EXOC4: variants seen among roughly 807,000 people sequenced by gnomAD.
The protein encoded by EXOC4 is exocyst complex component 4.
EXOC4 carries 71 observed loss-of-function variants against 107.2 expected under a neutral mutation model. The observed-to-expected ratio is 0.66, with a 90% confidence interval of 0.55 to 0.81. The LOEUF is 0.81. EXOC4 is among the 30% of genes least tolerant of loss of function. EXOC4 has a pLI of 0.00. For missense variants in EXOC4, 1,108 were observed against 1,189.6 expected, an observed-to-expected ratio of 0.93 and a Z score of 1.01; for synonymous variants, 456 against 441.2, an observed-to-expected ratio of 1.03 and a Z score of -0.42.
chr7:133,411,856 T>G (rs1797362387), intron 7 of EXOC4, among the ~76,000 whole-genome samples: 1 of 152,170 alleles, frequency 6.6e-6, no homozygotes, highest in African/African-American at 2.4e-5. Flanking sequence ...TGTCATAGTG[T>G]CAAGTGGAAC....
chr7:133,857,181 T>C lies in EXOC4; in HGVS notation c.1735-38418T>C, dbSNP rs368953722. ...ATATATATATATATATATATATATA[T>C]ATATATATATATATATATATTTTAC... On this transcript the variant is annotated intron_variant, in intron 11 of 17. Coordinates refer to ENST00000253861, the MANE Select transcript of EXOC4 (RefSeq NM_021807.4). Among the ~76,000 whole-genome samples the C allele has an allele frequency of 3.3e-3, 62 of 18,688 alleles. 1 individual carries two copies. The highest frequency in any genetic ancestry group is 0.013 in the South Asian group (6 of 446). The allele number at this position is 18,688 out of a possible 152,430, so 12.3% of individuals were successfully genotyped here. A position where few individuals can be genotyped will look rare whatever the true frequency, so the allele number is the denominator to read the frequency against.
chr7:133,401,365 A>G (rs1017927217), intron 7 of EXOC4, among the ~76,000 whole-genome samples: 1 of 151,830 alleles, frequency 6.6e-6, no homozygotes, highest in African/African-American at 2.4e-5. Flanking sequence ...AGTTTGTTTT[A>G]TGTTCTTTAA....
rs950972119 is a variant in EXOC4 at position 133,780,487 on chromosome 7, A to AT, written c.1515-36830dup. ...CATTAAACAGCCTGATTCTTGCACT[A>AT]TTTTTTTTAACTGCCTTTTTATATT... On this transcript the variant is annotated intron_variant, in intron 10 of 17. Coordinates refer to ENST00000253861, the MANE Select transcript of EXOC4 (RefSeq NM_021807.4). Among the ~76,000 whole-genome samples, 20 of 151,900 alleles carry AT rather than the reference A, an allele frequency of 1.3e-4. No homozygotes were observed. In the South Asian group the frequency reaches 3.5e-3, roughly 27 times the overall value.
chr7:133,857,147 C>CATATATATATATATATATATGT, intron 11 of EXOC4, among the ~76,000 whole-genome samples: 1 of 19,108 alleles, frequency 5.2e-5, no homozygotes, highest in East Asian at 1.4e-3. Flanking sequence ...TACACATACA[C>CATATATATATATATATATATGT]GTATATATAT....
At chr7:133,699,759 T>C (rs1479688682) in intron 10 of EXOC4, among the ~76,000 whole-genome samples, 1 of 152,220 alleles carries the variant, frequency 6.6e-6, no homozygotes, top group Non-Finnish European at 1.5e-5. Flanking sequence ...ACATGTGAGC[T>C]CCTTCATGTA....
intron 9 of EXOC4, among the ~76,000 whole-genome samples, chr7:133,602,200 A>G (rs887542609): frequency 6.6e-6 from 1 of 152,230 alleles, no homozygotes; most frequent in African/African-American, 2.4e-5. Context: ...GAATTTTGCT[A>G]AATTGAGTCC....
chr7:133,548,917 G>A (rs922322177), intron 9 of EXOC4, among the ~76,000 whole-genome samples: 8 of 152,184 alleles, frequency 5.3e-5, no homozygotes, highest in African/African-American at 1.7e-4. Flanking sequence ...CATTCGCAAC[G>A]TGGCTGTTTG....
rs111966397 is a variant in EXOC4, at chr7:133,253,085, C to T, written c.-17C>T. On this transcript the variant is annotated 5_prime_UTR_variant, in exon 1 of 18. Transcript: ENST00000253861. Reference sequence around the variant, plus strand: ...CCTTGGCTTCCTTGGAGCCTAGCGGCTCTCCCCGCGTCCAAGATGGCGGCA... The same window carrying T: ...CCTTGGCTTCCTTGGAGCCTAGCGGTTCTCCCCGCGTCCAAGATGGCGGCA... The T allele has an allele frequency of 1.7e-5, 27 of 1,613,690 alleles. No individual in the cohort carries two copies. The highest frequency in any genetic ancestry group is 1.2e-4 in the African/African-American group (9 of 74,928).
At chr7:133,688,428 G>A (rs77930546) in intron 10 of EXOC4, among the ~76,000 whole-genome samples, 1 of 152,108 alleles carries the variant, frequency 6.6e-6, no homozygotes, top group African/African-American at 2.4e-5. Context: ...AGTCCCAGTG[G>A]ATTAGCGATT....
At chr7:133,858,394 G>T (rs139445050) in intron 11 of EXOC4, among the ~76,000 whole-genome samples, 2 of 152,212 alleles carry the variant, frequency 1.3e-5, no homozygotes, top group Non-Finnish European at 2.9e-5. Context: ...GTTCATGGTT[G>T]GGAGGAAGTG....
chr7:133,880,094 G>A (rs1449845734), intron 11 of EXOC4, among the ~76,000 whole-genome samples: 3 of 152,048 alleles, frequency 2.0e-5, no homozygotes, highest in Non-Finnish European at 2.9e-5. Flanking sequence ...GCCTCTCTAA[G>A]TATCCAAACC....
At chr7:133,447,750 C>CT (rs1251781054) in intron 7 of EXOC4, among the ~76,000 whole-genome samples, 1 of 151,956 alleles carries the variant, frequency 6.6e-6, no homozygotes, top group African/African-American at 2.4e-5. Flanking sequence ...TATTTACTTA[C>CT]TTTTTTTATT....
chr7:133,816,402 A>G (rs1202845472), intron 10 of EXOC4, among the ~76,000 whole-genome samples: 1 of 152,224 alleles, frequency 6.6e-6, no homozygotes, highest in Non-Finnish European at 1.5e-5. Context: ...CTTGACAATC[A>G]TTAACATTCT....
chr7:133,954,500 C>T (rs536524621), intron 14 of EXOC4, among the ~76,000 whole-genome samples: 1 of 152,048 alleles, frequency 6.6e-6, no homozygotes, highest in East Asian at 1.9e-4. Context: ...TGTATTAGTA[C>T]CAGTATATAT....
chr7:133,365,763 A>G (rs554755231), intron 6 of EXOC4, among the ~76,000 whole-genome samples: 4 of 152,300 alleles, frequency 2.6e-5, no homozygotes, highest in African/African-American at 9.6e-5. Context: ...GAAATGAAAA[A>G]TAGTAGCTCA....
chr7:133,758,371 G>T (rs916157205), intron 10 of EXOC4, among the ~76,000 whole-genome samples: 1 of 152,052 alleles, frequency 6.6e-6, no homozygotes, highest in Non-Finnish European at 1.5e-5. Context: ...ATTCCAGACC[G>T]CAAGTGATTC....
At chr7:133,433,443 A>G (rs779347281) in intron 7 of EXOC4, among the ~76,000 whole-genome samples, 1 of 152,220 alleles carries the variant, frequency 6.6e-6, no homozygotes, top group Non-Finnish European at 1.5e-5. Context: ...ACATGCTTCT[A>G]GTAGCTGCTA....
At chr7:133,368,013 A>G (rs1434503674) in intron 6 of EXOC4, among the ~76,000 whole-genome samples, 2 of 152,190 alleles carry the variant, frequency 1.3e-5, no homozygotes, top group African/African-American at 2.4e-5. Flanking sequence ...ACTTCTGCTT[A>G]TATTGCCATC....
At chr7:133,429,320 G>A (rs1343220594) in intron 7 of EXOC4, among the ~76,000 whole-genome samples, 4 of 152,048 alleles carry the variant, frequency 2.6e-5, no homozygotes, top group Non-Finnish European at 5.9e-5. Context: ...CATTTCACTA[G>A]CAAATCATCT....
Sources: allele counts gnomAD v4.1 joint callset (sites outside exome capture counted in the v4.1 genomes callset), GRCh38; gene constraint gnomAD v4.1.1; transcripts MANE v1.5; gene names NCBI Gene and HGNC (gene_info 2026-07-23, HGNC 2026-07-21).